DGKI: variants seen among roughly 807,000 people sequenced by gnomAD.
DGKI encodes DAG kinase iota.
DGKI carries 55 observed loss-of-function variants against 147.5 expected under a neutral mutation model. The ratio of observed to expected loss-of-function variants is 0.37; its 90% CI spans 0.30 to 0.47. DGKI has a LOEUF of 0.47. Among genes scored for constraint, DGKI ranks in the 20% least tolerant of loss-of-function variants. The pLI, the probability that DGKI is intolerant of heterozygous loss-of-function variation, is 1.00. For missense variants in DGKI, 1,007 were observed against 1,323.8 expected (o/e 0.76, Z 3.71); for synonymous variants, 469 against 477.1 (o/e 0.98, Z 0.22).
At chr7:137,561,346 A>C (rs1196019711) in intron 19 of DGKI, among the ~76,000 whole-genome samples, 1 of 152,206 alleles carries the variant, frequency 6.6e-6, no homozygotes, top group Non-Finnish European at 1.5e-5. Flanking sequence ...ATTCTCGTTA[A>C]TTTGTGGAAG....
chr7:137,738,653 A>C (rs1208279359), intron 1 of DGKI, among the ~76,000 whole-genome samples: 1 of 152,032 alleles, frequency 6.6e-6, no homozygotes, highest in African/African-American at 2.4e-5. Flanking sequence ...TGGGCTTGGA[A>C]AATATCCTTC....
intron 17 of DGKI, among the ~76,000 whole-genome samples, chr7:137,575,109 T>A (rs960709770): frequency 6.6e-6 from 1 of 152,196 alleles, no homozygotes. Context: ...TTACACCTAT[T>A]TGACAGATGA....
chr7:137,567,815 T>C (rs1339346161), intron 19 of DGKI, among the ~76,000 whole-genome samples: 1 of 152,194 alleles, frequency 6.6e-6, no homozygotes, highest in Non-Finnish European at 1.5e-5. Context: ...AAAGAAAGTA[T>C]CTTTTAAAAG....
At chr7:137,579,436 T>TAAAAAAAAAAA (rs71533758) in intron 15 of DGKI, among the ~76,000 whole-genome samples, 5 of 108,198 alleles carry the variant, frequency 4.6e-5, no homozygotes, top group African/African-American at 1.6e-4. Context: ...ACAGAAACAG[T>TAAAAAAAAAAA]AAAAAAAAAA....
intron 1 of DGKI, among the ~76,000 whole-genome samples, chr7:137,707,546 C>T (rs1053593400): frequency 6.6e-5 from 10 of 152,156 alleles, no homozygotes; most frequent in Non-Finnish European, 1.0e-4. Context: ...AATACTATCC[C>T]TCTTGGAGCT....
intron 20 of DGKI, among the ~76,000 whole-genome samples, chr7:137,531,712 G>A (rs1204671886): frequency 6.6e-6 from 1 of 152,188 alleles, no homozygotes; most frequent in African/African-American, 2.4e-5. Context: ...ACAAACAGTT[G>A]TATTTTCCTG....
intron 12 of DGKI, among the ~76,000 whole-genome samples, chr7:137,593,396 T>C (rs1173743854): frequency 1.3e-5 from 2 of 152,222 alleles, no homozygotes; most frequent in Admixed American, 6.5e-5. Flanking sequence ...ATTTATCACA[T>C]GACCAAAGAC....
At chr7:137,780,333 T>C (rs1387127545) in intron 1 of DGKI, among the ~76,000 whole-genome samples, 1 of 152,238 alleles carries the variant, frequency 6.6e-6, no homozygotes, top group Non-Finnish European at 1.5e-5. Context: ...AAACTTGTAA[T>C]ACTTTGATCA....
chr7:137,525,534 G>A (rs1817114013), intron 20 of DGKI, among the ~76,000 whole-genome samples: 1 of 152,180 alleles, frequency 6.6e-6, no homozygotes, highest in Admixed American at 6.6e-5. Flanking sequence ...CAGGCTCCAA[G>A]TCAGATTGCC....
At chr7:137,821,216 G>A (rs991326363) in intron 1 of DGKI, among the ~76,000 whole-genome samples, 1 of 152,070 alleles carries the variant, frequency 6.6e-6, no homozygotes, top group African/African-American at 2.4e-5. Flanking sequence ...ACAGCTTCAC[G>A]TCCGTAGTTA....
intron 28 of DGKI, among the ~76,000 whole-genome samples, chr7:137,425,251 T>G (rs1175476314): frequency 1.3e-5 from 2 of 152,224 alleles, no homozygotes; most frequent in Non-Finnish European, 2.9e-5. Context: ...GAAAATCTGC[T>G]GTTCTGCAGC....
At chr7:137,835,984 G>T (rs1222178692) in intron 1 of DGKI, among the ~76,000 whole-genome samples, 1 of 152,198 alleles carries the variant, frequency 6.6e-6, no homozygotes, top group African/African-American at 2.4e-5. Context: ...ACAATACGGG[G>T]TTGCCTAAGA....
intron 6 of DGKI, among the ~76,000 whole-genome samples, chr7:137,627,055 A>G (rs1820967064): frequency 6.6e-6 from 1 of 152,128 alleles, no homozygotes; most frequent in Admixed American, 6.5e-5. Context: ...GTCTACTCAT[A>G]TCCACAATAT....
chr7:137,514,912 T>C (rs556745067), intron 21 of DGKI, among the ~76,000 whole-genome samples: 18 of 152,248 alleles, frequency 1.2e-4, no homozygotes, highest in Admixed American at 5.9e-4. Flanking sequence ...CATGATACAC[T>C]CCTCAAGTAG....
At chr7:137,737,204 CAAAAA>C (rs763572711) in intron 1 of DGKI, among the ~76,000 whole-genome samples, 1,030 of 83,498 alleles carry the variant, frequency 0.012, 11 homozygotes, top group African/African-American at 0.038. Context: ...CTCATTTCAC[CAAAAA>C]AAAAAAAAAA....
At chr7:137,512,896 G>C (rs372799372) in intron 21 of DGKI, among the ~76,000 whole-genome samples, 2 of 152,094 alleles carry the variant, frequency 1.3e-5, no homozygotes, top group African/African-American at 2.4e-5. Flanking sequence ...CCGGGTATCA[G>C]AGTCCTTTGA....
intron 24 of DGKI, 42 bp downstream of exon 24, chr7:137,469,508 T>C (rs1210992340): frequency 8.7e-6 from 14 of 1,605,692 alleles, no homozygotes; most frequent in Non-Finnish European, 1.1e-5. Flanking sequence ...GCTCTTCAAC[T>C]TCCCCAACTC....
intron 1 of DGKI, among the ~76,000 whole-genome samples, chr7:137,738,373 C>T (rs1944446070): frequency 6.6e-6 from 1 of 152,020 alleles, no homozygotes; most frequent in South Asian, 2.1e-4. Context: ...ATGGGTTATA[C>T]AAAGGAGAAC....
rs1811288137 is a variant in DGKI at position 137,389,676 on chromosome 7, G to A, written c.*1544C>T. On this transcript the variant is annotated 3_prime_UTR_variant, in exon 33 of 33. Transcript: ENST00000614521. ...AAGTAGATATTTGGACAGAAAGACA[G>A]ACATTTTCTTCTGATATTTTAGGGA... 6.6e-6 allele frequency: 1 copy of A among 152,104 alleles called. No individual in the cohort carries two copies. 9.4% of individuals were successfully genotyped at this position (152,104 alleles called of 1,614,324 possible). A position where few individuals can be genotyped will look rare whatever the true frequency, so the allele number is the denominator to read the frequency against.
Sources: allele counts gnomAD v4.1 joint callset (sites outside exome capture counted in the v4.1 genomes callset), GRCh38; gene constraint gnomAD v4.1.1; transcripts MANE v1.5; gene names NCBI Gene and HGNC (gene_info 2026-07-23, HGNC 2026-07-21).